ARHGEF26: variants seen among roughly 807,000 people sequenced by gnomAD.
ARHGEF26 encodes Rho guanine nucleotide exchange factor (GEF) 26.
A neutral mutation model predicts 89.4 loss-of-function variants in ARHGEF26; 59 were observed. That is an observed-to-expected ratio of 0.66 (90% confidence interval 0.54 to 0.82). The LOEUF is 0.82. ARHGEF26 is among the 40% of genes least tolerant of loss of function. The probability of loss-of-function intolerance (pLI) is 0.00; values close to 1 mark genes in which losing one functional copy is unlikely to be tolerated. For missense variants in ARHGEF26, 1,234 were observed against 1,085.6 expected (o/e 1.14, Z -1.92); for synonymous variants, 500 against 428.4 (o/e 1.17, Z -2.06).
intron 9 of ARHGEF26, among the ~76,000 whole-genome samples, chr3:154,202,286 G>C (rs1447097162): frequency 6.6e-6 from 1 of 152,128 alleles, no homozygotes; most frequent in East Asian, 1.9e-4. Context: ...TCTTGTTTTT[G>C]TCAAGTTTGT....
intron 9 of ARHGEF26, among the ~76,000 whole-genome samples, chr3:154,203,091 A>G (rs1714759264): frequency 6.6e-6 from 1 of 152,150 alleles, no homozygotes; most frequent in South Asian, 2.1e-4. Context: ...TTCAAAAGGA[A>G]TGCTTCCAGT....
chr3:154,124,825 T>A (rs769335175), intron 3 of ARHGEF26, among the ~76,000 whole-genome samples: 21 of 152,198 alleles, frequency 1.4e-4, no homozygotes, highest in Non-Finnish European at 1.9e-4. Context: ...TTCCTTTGAC[T>A]TAGTATTCTG....
At chr3:154,219,484 A>G (rs1301660077) in intron 10 of ARHGEF26, among the ~76,000 whole-genome samples, 1 of 151,884 alleles carries the variant, frequency 6.6e-6, no homozygotes, top group African/African-American at 2.4e-5. Flanking sequence ...AATCCCAGCT[A>G]TTTGGGAAGC....
At chr3:154,209,749 C>T (rs1016600387) in intron 9 of ARHGEF26, among the ~76,000 whole-genome samples, 1 of 152,176 alleles carries the variant, frequency 6.6e-6, no homozygotes, top group Non-Finnish European at 1.5e-5. Context: ...TCTAACCACT[C>T]CCTGGCTACT....
chr3:154,181,423 C>T (rs765758781), intron 6 of ARHGEF26, among the ~76,000 whole-genome samples: 6 of 152,052 alleles, frequency 3.9e-5, no homozygotes, highest in Non-Finnish European at 8.8e-5. Context: ...GTGAGGGAGA[C>T]GTCCAAGAAT....
rs1717964389 is a variant in ARHGEF26, at chr3:154,122,043, G to C, written c.51G>C (p.Leu17Phe). ...TTTCTAGCAACAGCATAACCCCTTT[G>C]TGGCGGAGGCGGTCGATTCCTCAGC... ...VDFSSNSITP[L>F]WRRRSIPQPH... Residue 17 changes from leucine (L) to phenylalanine (F), a missense_variant, in exon 2 of 15, where the codon TTG becomes TTC. Coordinates refer to ENST00000465093, the MANE Select transcript of ARHGEF26 (RefSeq NM_015595.4). The C allele has an allele frequency of 6.2e-7, 1 of 1,611,692 alleles. No individual in the cohort carries two copies. The highest frequency in any genetic ancestry group is 1.1e-5 in the South Asian group (1 of 91,002).
rs148636302 is a variant in ARHGEF26 at position 154,236,844 on chromosome 3, G to A, written c.2091-3526G>A. On this transcript the variant is annotated intron_variant, in intron 11 of 14. Coordinates refer to ENST00000465093, the MANE Select transcript of ARHGEF26 (RefSeq NM_015595.4). ...CCTACATTATTTATTGCATAATGCA[G>A]AAGTTTACTGGCCTAGACGAAGTAA... 1.9e-3 allele frequency among the ~76,000 whole-genome samples: 289 copies of A among 152,320 alleles called. 1 individual carries two copies. Among genetic ancestry groups the A allele is most frequent in the African/African-American group, 6.9e-3 (285 of 41,568 alleles).
intron 4 of ARHGEF26, among the ~76,000 whole-genome samples, chr3:154,132,057 A>T (rs1165257336): frequency 6.6e-6 from 1 of 152,110 alleles, no homozygotes; most frequent in Non-Finnish European, 1.5e-5. Flanking sequence ...GTGTGTGTTT[A>T]TTGTGTTGCT....
chr3:154,160,594 T>C (rs561189933), intron 6 of ARHGEF26, among the ~76,000 whole-genome samples: 23 of 152,170 alleles, frequency 1.5e-4, no homozygotes, highest in African/African-American at 5.5e-4. Context: ...TGCAGGAAAG[T>C]TTAAATCTAG....
At chr3:154,219,939 A>G (rs2596627) in intron 10 of ARHGEF26, among the ~76,000 whole-genome samples, 7 of 151,402 alleles carry the variant, frequency 4.6e-5, no homozygotes. Flanking sequence ...CAAAAAACAA[A>G]CAAAAAAGTA....
In ARHGEF26 at chr3:154,256,546, ATT is replaced by A. The variant is rs1718514141; in HGVS notation, c.*1074_*1075del. 5 of 927,650 alleles carry A rather than the reference ATT, an allele frequency of 5.4e-6. No individual in the cohort carries two copies. Among genetic ancestry groups the A allele is most frequent in the Non-Finnish European group, 6.2e-6 (5 of 800,380 alleles). 57.5% of individuals were successfully genotyped at this position (927,650 alleles called of 1,614,324 possible). ...CCGTGCCCAGCCTACTTTCTAATTA[ATT>A]AAAAAAAAAAAAAAAAAAAAAAAAA... On this transcript the variant is annotated 3_prime_UTR_variant, in exon 15 of 15. Coordinates refer to ENST00000465093, the MANE Select transcript of ARHGEF26 (RefSeq NM_015595.4).
At chr3:154,229,714 C>T (rs753758106) in intron 11 of ARHGEF26, among the ~76,000 whole-genome samples, 2 of 152,152 alleles carry the variant, frequency 1.3e-5, no homozygotes, top group Non-Finnish European at 2.9e-5. Flanking sequence ...CCAAAAATGT[C>T]TCTGGACGTT....
At chr3:154,202,798 C>T (rs1559895595) in intron 9 of ARHGEF26, among the ~76,000 whole-genome samples, 3 of 136,974 alleles carry the variant, frequency 2.2e-5, no homozygotes, top group African/African-American at 5.5e-5. Context: ...ATTTGGCTCT[C>T]TGTCTGTTAT....
chr3:154,256,656 G>A lies in ARHGEF26; in HGVS notation c.*1183G>A, dbSNP rs958495304. On this transcript the variant is annotated 3_prime_UTR_variant, in exon 15 of 15. Coordinates refer to ENST00000465093, the MANE Select transcript of ARHGEF26 (RefSeq NM_015595.4). The stretch of plus-strand genomic sequence containing the variant: ...ACCTAGTTTTCAGCTGTTCCAACTC[G>A]TTTCCAAATAGAAATTAGCTGGAAC... The A allele has an allele frequency of 3.3e-5, 37 of 1,136,244 alleles. No individual in the cohort carries two copies. The highest frequency in any genetic ancestry group is 9.9e-5 in the Admixed American group (2 of 20,136). 70.4% of individuals were successfully genotyped at this position (1,136,244 alleles called of 1,614,324 possible). A position where few individuals can be genotyped will look rare whatever the true frequency, so the allele number is the denominator to read the frequency against.
chr3:154,150,378 C>G (rs934209659), intron 5 of ARHGEF26, among the ~76,000 whole-genome samples: 1 of 152,058 alleles, frequency 6.6e-6, no homozygotes, highest in African/African-American at 2.4e-5. Flanking sequence ...CCAGAGACAA[C>G]TATAATTATG....
intron 6 of ARHGEF26, among the ~76,000 whole-genome samples, chr3:154,169,201 A>G (rs1712256852): frequency 6.6e-6 from 1 of 152,100 alleles, no homozygotes; most frequent in Non-Finnish European, 1.5e-5. Flanking sequence ...TTGAAGTCTC[A>G]ATTCCTCATC....
At chr3:154,199,618 T>C (rs966406101) in intron 9 of ARHGEF26, among the ~76,000 whole-genome samples, 2 of 152,204 alleles carry the variant, frequency 1.3e-5, no homozygotes, top group African/African-American at 4.8e-5. Context: ...AATCAATTTT[T>C]AGTTTTTTAA....
chr3:154,245,760 G>C (rs1326236682), intron 12 of ARHGEF26, among the ~76,000 whole-genome samples: 1 of 152,210 alleles, frequency 6.6e-6, no homozygotes, highest in Non-Finnish European at 1.5e-5. Context: ...AACTTCTCAA[G>C]AGAGTGGCCT....
At position 154,256,897 on chromosome 3, in the gene ARHGEF26, G is replaced by A; in HGVS notation, c.*1424G>A. ...CAGAGAGAGAAAGGTTATCTTAATA[G>A]TCGGTTTCATGGAGATGAAGGATGG... On this transcript the variant is annotated 3_prime_UTR_variant, in exon 15 of 15. Transcript: ENST00000465093. The A allele has an allele frequency of 6.5e-7, 1 of 1,535,068 alleles. No homozygotes were observed.
Sources: allele counts gnomAD v4.1 joint callset (sites outside exome capture counted in the v4.1 genomes callset), GRCh38; gene constraint gnomAD v4.1.1; transcripts MANE v1.5; gene names NCBI Gene and HGNC (gene_info 2026-07-23, HGNC 2026-07-21).